SSBP2: variants seen among roughly 807,000 people sequenced by gnomAD.
The protein encoded by SSBP2 is single stranded DNA binding protein 2, also known as single-stranded DNA-binding protein 2.
Under a neutral mutation model 61.8 loss-of-function variants are expected in SSBP2, and 17 were observed. The observed-to-expected ratio is 0.28, with a 90% CI of 0.19 to 0.41. SSBP2 has a LOEUF of 0.41. SSBP2 is among the 10% of genes least tolerant of loss of function. The probability of loss-of-function intolerance (pLI) is 1.00; values close to 1 mark genes in which losing one functional copy is unlikely to be tolerated. For synonymous variants in SSBP2, 139 were observed against 141.3 expected, an observed-to-expected ratio of 0.98 and a Z score of 0.12; for missense variants, 310 against 458.7, an observed-to-expected ratio of 0.68 and a Z score of 2.96.
chr5:81,450,959 T>C (rs1245258209), intron 10 of SSBP2, among the ~76,000 whole-genome samples: 10 of 152,220 alleles, frequency 6.6e-5, no homozygotes, highest in Admixed American at 6.5e-4. Context: ...TACCTCATCT[T>C]AACAAATATC....
intron 4 of SSBP2, among the ~76,000 whole-genome samples, chr5:81,539,228 T>TTC (rs1263108488): frequency 6.6e-6 from 1 of 152,180 alleles, no homozygotes; most frequent in African/African-American, 2.4e-5. Context: ...GTGGAAGAAG[T>TTC]CACTGCAAAT....
At chr5:81,694,541 T>G (rs1026285177) in intron 1 of SSBP2, among the ~76,000 whole-genome samples, 20 of 150,082 alleles carry the variant, frequency 1.3e-4, no homozygotes, top group South Asian at 2.1e-4. Context: ...GCTTTAGAAG[T>G]TTTTTTTTTC....
At chr5:81,587,970 A>T (rs1312781908) in intron 4 of SSBP2, among the ~76,000 whole-genome samples, 1 of 151,940 alleles carries the variant, frequency 6.6e-6, no homozygotes, top group Admixed American at 6.6e-5. Flanking sequence ...ATGAAAGATA[A>T]ATATTATTTT....
chr5:81,721,718 C>T (rs1173893347), intron 1 of SSBP2, among the ~76,000 whole-genome samples: 1 of 152,094 alleles, frequency 6.6e-6, no homozygotes, highest in Non-Finnish European at 1.5e-5. Context: ...TTCTCTAAAA[C>T]AACAGAACTC....
chr5:81,557,690 T>C (rs185732377), intron 4 of SSBP2, among the ~76,000 whole-genome samples: 323 of 152,360 alleles, frequency 2.1e-3, no homozygotes, highest in Non-Finnish European at 3.2e-3. Context: ...GATTTGGTTC[T>C]TTCTTGATAT....
chr5:81,728,302 T>C (rs1459469793), intron 1 of SSBP2, among the ~76,000 whole-genome samples: 3 of 152,162 alleles, frequency 2.0e-5, no homozygotes, highest in Non-Finnish European at 4.4e-5. Context: ...ACGGCGACAA[T>C]ACAGTGCAAT....
intron 4 of SSBP2, among the ~76,000 whole-genome samples, chr5:81,537,290 T>C (rs1416801712): frequency 6.6e-6 from 1 of 152,000 alleles, no homozygotes; most frequent in Non-Finnish European, 1.5e-5. Flanking sequence ...CTTATGGGGG[T>C]GGAGGCTTTG....
At position 81,440,538 on chromosome 5, in the gene SSBP2, A is replaced by G; in HGVS notation, c.928+20T>C. 1 of 1,603,688 alleles carries G rather than the reference A, an allele frequency of 6.2e-7. No individual in the cohort carries two copies. Among genetic ancestry groups the G allele is most frequent in the Non-Finnish European group, 8.5e-7 (1 of 1,171,596 alleles). ...GTTTTGTTATGAATTTATTCTAAACATCAAATTGAAAAGCCTTACCTAAAG... is the reference window on the plus strand; with the variant it reads ...GTTTTGTTATGAATTTATTCTAAACGTCAAATTGAAAAGCCTTACCTAAAG... On this transcript the variant is annotated intron_variant, in intron 14 of 16. Transcript: ENST00000320672.
chr5:81,604,333 T>C (rs1744668968), intron 4 of SSBP2, among the ~76,000 whole-genome samples: 1 of 151,808 alleles, frequency 6.6e-6, no homozygotes, highest in Admixed American at 6.6e-5. Flanking sequence ...GGCACATCAC[T>C]TGACATGTAA....
At chr5:81,451,618 G>A (rs1174799574) in intron 10 of SSBP2, among the ~76,000 whole-genome samples, 1 of 152,084 alleles carries the variant, frequency 6.6e-6, no homozygotes, top group Non-Finnish European at 1.5e-5. Context: ...GTAGAGATGG[G>A]GTTTCACCAT....
Position 81,683,943 on chromosome 5 carries a change from A to C in SSBP2, c.63-33604T>G, listed in dbSNP as rs143954473. On this transcript the variant is annotated intron_variant, in intron 1 of 16. Coordinates refer to ENST00000320672, the MANE Select transcript of SSBP2 (RefSeq NM_012446.5). The stretch of plus-strand genomic sequence containing the variant: ...TGAATGGCCAAAATTCAAAATACTG[A>C]CACCACCAAATGCTGACAAAAATGT... 2.0e-5 allele frequency among the ~76,000 whole-genome samples: 3 copies of C among 152,346 alleles called. No homozygotes were observed. The East Asian group carries it at 5.8e-4, about 29-fold the overall frequency.
At chr5:81,512,252 T>A (rs1357865975) in intron 5 of SSBP2, among the ~76,000 whole-genome samples, 3 of 152,218 alleles carry the variant, frequency 2.0e-5, no homozygotes, top group Non-Finnish European at 4.4e-5. Context: ...TACTTTGATT[T>A]GAATTCAAGC....
At chr5:81,670,287 CTA>C (rs1173241915) in intron 1 of SSBP2, among the ~76,000 whole-genome samples, 3 of 152,134 alleles carry the variant, frequency 2.0e-5, no homozygotes, top group Non-Finnish European at 4.4e-5. Flanking sequence ...TGGGAAATCT[CTA>C]TATCTTCCAC....
At chr5:81,432,759 G>A (rs1163703901) in intron 15 of SSBP2, among the ~76,000 whole-genome samples, 2 of 145,966 alleles carry the variant, frequency 1.4e-5, no homozygotes, top group East Asian at 1.9e-4. Context: ...GAGGGAGGTG[G>A]GGGGGTCAGC....
At chr5:81,667,875 T>A (rs532165079) in intron 1 of SSBP2, among the ~76,000 whole-genome samples, 1 of 152,268 alleles carries the variant, frequency 6.6e-6, no homozygotes, top group South Asian at 2.1e-4. Context: ...TCTAGTAGGT[T>A]ATAGGTCTAA....
chr5:81,426,927 A>G (rs1580648091), intron 16 of SSBP2, among the ~76,000 whole-genome samples: 1 of 152,200 alleles, frequency 6.6e-6, no homozygotes, highest in South Asian at 2.1e-4. Flanking sequence ...GCTTATATAT[A>G]CATTACAGCA....
At chr5:81,750,382 G>A (rs1353900869) in intron 1 of SSBP2, among the ~76,000 whole-genome samples, 1 of 145,440 alleles carries the variant, frequency 6.9e-6, no homozygotes. Context: ...GCGCCCCGCG[G>A]GGCCCCGCTC....
At chr5:81,456,275 G>A (rs1270543055) in intron 10 of SSBP2, among the ~76,000 whole-genome samples, 1 of 151,186 alleles carries the variant, frequency 6.6e-6, no homozygotes, top group Non-Finnish European at 1.5e-5. Flanking sequence ...ATGCTATACT[G>A]AACATTTTGT....
chr5:81,413,824 AT>A lies in SSBP2; in HGVS notation c.*6679del, dbSNP rs1478256298. On this transcript the variant is annotated 3_prime_UTR_variant, in exon 17 of 17. Coordinates refer to ENST00000320672, the MANE Select transcript of SSBP2 (RefSeq NM_012446.5). The stretch of plus-strand genomic sequence containing the variant: ...TATGGTAACTGTACAGATTATTTGA[AT>A]TGTTTTTTAATAAGTAGATGGCCAA... The A allele has an allele frequency of 6.6e-6, 1 of 152,152 alleles. No individual in the cohort carries two copies. Among genetic ancestry groups the A allele is most frequent in the Non-Finnish European group, 1.5e-5 (1 of 68,002 alleles). The allele number at this position is 152,152 out of a possible 1,614,324, so 9.4% of individuals were successfully genotyped here.
Sources: allele counts gnomAD v4.1 joint callset (sites outside exome capture counted in the v4.1 genomes callset), GRCh38; gene constraint gnomAD v4.1.1; transcripts MANE v1.5; gene names NCBI Gene and HGNC (gene_info 2026-07-23, HGNC 2026-07-21).